The following OTOF variants were observed in gnomAD, a reference collection of about 807,000 sequenced individuals.
The protein encoded by OTOF is otoferlin.
In OTOF, 218 loss-of-function variants were observed where a neutral mutation model predicts 236.8. That is an observed-to-expected ratio of 0.92 (90% CI 0.82 to 1.03). OTOF has a LOEUF of 1.03. OTOF is among the 50% of genes least tolerant of loss of function. The probability of loss-of-function intolerance (pLI) is 0.00; values close to 1 mark genes in which losing one functional copy is unlikely to be tolerated. For missense variants in OTOF, 2,590 were observed against 2,694.4 expected, an observed-to-expected ratio of 0.96 and a Z score of 0.86; for synonymous variants, 1,041 against 1,072.5, an observed-to-expected ratio of 0.97 and a Z score of 0.57.
intron 18 of OTOF, among the ~76,000 whole-genome samples, chr2:26,478,522 G>C (rs1270584108): frequency 6.6e-6 from 1 of 152,042 alleles, no homozygotes; most frequent in Non-Finnish European, 1.5e-5. Flanking sequence ...CCCCAGGCTG[G>C]GGAGAAGGAG....
intron 2 of OTOF, among the ~76,000 whole-genome samples, chr2:26,530,798 A>G (rs774167287): frequency 5.9e-5 from 9 of 151,932 alleles, no homozygotes; most frequent in Non-Finnish European, 1.3e-4. Context: ...AATCCATTCC[A>G]GAAGCTTTTA....
chr2:26,483,516 A>G lies in OTOF; in HGVS notation c.1338T>C (p.Gly446=). Residue 446 remains glycine (G), a synonymous_variant, in exon 13 of 47, where the codon GGT becomes GGC. Transcript: ENST00000272371. ...AGGGGTCCACGAGGTCCTTGTTTTC[A>G]CCGATGAAAGCCTTCTTTACATTGG... ...LMANVKKAFI[G]ENKDLVDPYV... 2 of 1,613,844 alleles carry G rather than the reference A, an allele frequency of 1.2e-6. No homozygotes were observed. Among genetic ancestry groups the G allele is most frequent in the Non-Finnish European group, 1.7e-6 (2 of 1,179,998 alleles).
rs79960303 is a variant in OTOF, at chr2:26,554,256, C to T, written c.79+4237G>A. ...GGAAGTTGATGGAAGGAGTAAGAGC[C>T]AAGGTTCTTGGTTCTTGGCCCTTGA... On this transcript the variant is annotated intron_variant, in intron 1 of 46. Coordinates refer to ENST00000272371, the MANE Select transcript of OTOF (RefSeq NM_194248.3). 9.6e-3 allele frequency among the ~76,000 whole-genome samples: 1,456 copies of T among 151,916 alleles called. 26 individuals are homozygous for T. Among genetic ancestry groups the T allele is most frequent in the African/African-American group, 0.034 (1,400 of 41,370 alleles).
chr2:26,490,290 A>G (rs1182908438), intron 9 of OTOF, among the ~76,000 whole-genome samples: 1 of 152,258 alleles, frequency 6.6e-6, no homozygotes, highest in Non-Finnish European at 1.5e-5. Context: ...TGAAGCCACA[A>G]GGCTGCCTAG....
chr2:26,477,788 C>G lies in OTOF; in HGVS notation c.2215-39G>C. 1 of 1,609,852 alleles carries G rather than the reference C, an allele frequency of 6.2e-7. No homozygotes were observed. Among genetic ancestry groups the G allele is most frequent in the Non-Finnish European group, 8.5e-7 (1 of 1,178,670 alleles). ...GTGTGGGTGATGCTGGGCCACAGCCCCGCCTCCCCAGCCTCCCCAAATGCC... is the reference window on the plus strand; with the variant it reads ...GTGTGGGTGATGCTGGGCCACAGCCGCGCCTCCCCAGCCTCCCCAAATGCC... On this transcript the variant is annotated intron_variant, in intron 18 of 46. Transcript: ENST00000272371. This position sits in a 1 kb window ranked among gnomAD's most constrained non-coding sequence, Gnocchi z 4.7.
At chr2:26,541,351 T>C (rs1048895938) in intron 1 of OTOF, among the ~76,000 whole-genome samples, 8 of 152,206 alleles carry the variant, frequency 5.3e-5, no homozygotes, top group African/African-American at 1.9e-4. Flanking sequence ...TGCTAAAACC[T>C]CATTGATTTA....
At chr2:26,481,074 C>A in intron 14 of OTOF, 65 bp from the exon 15 acceptor site, 1 of 1,247,040 alleles carries the variant, frequency 8.0e-7, no homozygotes, top group Non-Finnish European at 1.2e-6. Context: ...GAAGAGGGGC[C>A]TCTTTTGGGG....
chr2:26,519,702 T>C (rs560223209), intron 3 of OTOF, among the ~76,000 whole-genome samples: 20 of 152,328 alleles, frequency 1.3e-4, no homozygotes, highest in Admixed American at 2.6e-4. Flanking sequence ...TGAACCCAGC[T>C]CTGACACTGA....
In OTOF at chr2:26,475,933, T is replaced by C. The variant is rs397517940; in HGVS notation, c.2972A>G (p.Asn991Ser). 29 of 1,609,792 alleles carry C rather than the reference T, an allele frequency of 1.8e-5. No individual in the cohort carries two copies. The Middle Eastern group carries it at 1.2e-3, about 64-fold the overall frequency. Residue 991 changes from asparagine (N) to serine (S), a missense_variant, in exon 24 of 47, where the codon AAT becomes AGT. Around this residue, in one of 2 missense-constraint regions of OTOF, gnomAD observed 1,379 missense variants for 1,341.6 expected, o/e 1.03. Coordinates refer to ENST00000272371, the MANE Select transcript of OTOF (RefSeq NM_194248.3). Reference protein sequence around the residue: ...SDPFARVFFINQSQCTEVLNE... With the variant: ...SDPFARVFFISQSQCTEVLNE... ...CCTCACCTCTGTGCACTGACTCTGA[T>C]TGATGAAGAAGACGCGGGCAAAGGG...
At chr2:26,510,437 G>A (rs1366134335) in intron 5 of OTOF, among the ~76,000 whole-genome samples, 1 of 151,984 alleles carries the variant, frequency 6.6e-6, no homozygotes, top group African/African-American at 2.4e-5. Flanking sequence ...AACAAGACAC[G>A]GAGAGGAGGA....
At chr2:26,488,363 T>G (rs1305807123) in intron 11 of OTOF, among the ~76,000 whole-genome samples, 1 of 152,208 alleles carries the variant, frequency 6.6e-6, no homozygotes, top group Non-Finnish European at 1.5e-5. Context: ...CTCTGAGCAG[T>G]GCATTCACTT....
chr2:26,477,799 G>C lies in OTOF; in HGVS notation c.2215-50C>G. ...GCTGGGCCACAGCCCCGCCTCCCCAGCCTCCCCAAATGCCTCCTCCCTGTT... is the reference window on the plus strand; with the variant it reads ...GCTGGGCCACAGCCCCGCCTCCCCACCCTCCCCAAATGCCTCCTCCCTGTT... On this transcript the variant is annotated intron_variant, in intron 18 of 46. Coordinates refer to ENST00000272371, the MANE Select transcript of OTOF (RefSeq NM_194248.3). This position sits in a 1 kb window ranked among gnomAD's most constrained non-coding sequence, Gnocchi z 4.7. The C allele has an allele frequency of 6.2e-7, 1 of 1,605,654 alleles. No homozygotes were observed. Among genetic ancestry groups the C allele is most frequent in the East Asian group, 2.2e-5 (1 of 44,536 alleles).
At chr2:26,478,702 T>G (rs1665429197) in intron 18 of OTOF, among the ~76,000 whole-genome samples, 1 of 151,934 alleles carries the variant, frequency 6.6e-6, no homozygotes, top group African/African-American at 2.4e-5. Flanking sequence ...TTTATTTTAT[T>G]TTATTTTATT....
intron 1 of OTOF, among the ~76,000 whole-genome samples, chr2:26,547,185 T>A (rs970917890): frequency 4.6e-5 from 7 of 152,196 alleles, no homozygotes; most frequent in African/African-American, 1.7e-4. Flanking sequence ...TTATCATGAA[T>A]GGGTGTTGAA....
intron 1 of OTOF, among the ~76,000 whole-genome samples, chr2:26,551,827 T>G (rs1210146540): frequency 2.0e-5 from 3 of 152,242 alleles, no homozygotes; most frequent in Non-Finnish European, 4.4e-5. Flanking sequence ...GAATTGTTAT[T>G]AATTTCTTTA....
Position 26,476,279 on chromosome 2 carries a change from T to C in OTOF, c.2715A>G (p.Thr905=). The C allele has an allele frequency of 1.2e-6, 2 of 1,604,628 alleles. No individual in the cohort carries two copies. The highest frequency in any genetic ancestry group is 2.2e-5 in the South Asian group (2 of 91,024). Residue 905 remains threonine (T), a synonymous_variant, in exon 23 of 47, where the codon ACA becomes ACG. Coordinates refer to ENST00000272371, the MANE Select transcript of OTOF (RefSeq NM_194248.3). ...GKRGFGSAGW[T]VQAKVELYLW... ...GGTACAGCTCCACCTTGGCCTGCAC[T>C]GTCCAGCCTGCCGAGCCGAAGCCCC... is the stretch of plus-strand genomic sequence containing the variant.
chr2:26,482,046 T>C (rs1050464287), intron 14 of OTOF, among the ~76,000 whole-genome samples: 6 of 152,346 alleles, frequency 3.9e-5, no homozygotes, highest in East Asian at 3.9e-4. Flanking sequence ...ATCATATATA[T>C]ATACACACAC....
intron 9 of OTOF, among the ~76,000 whole-genome samples, chr2:26,490,159 C>T (rs1159973596): frequency 1.3e-5 from 2 of 152,224 alleles, no homozygotes; most frequent in African/African-American, 4.8e-5. Context: ...GGGATAATGA[C>T]ACCCACCTCA....
chr2:26,496,819 T>G lies in OTOF; in HGVS notation c.766-1746A>C, dbSNP rs1665998325. On this transcript the variant is annotated intron_variant, in intron 8 of 46. Transcript: ENST00000272371. The stretch of plus-strand genomic sequence containing the variant: ...AAATGACCACATAGCCTTGTGTTTT[T>G]CAGTTACAAGCAGAGACACCAGCTA... Among the ~76,000 whole-genome samples, 6 of 151,964 alleles carry G rather than the reference T, an allele frequency of 3.9e-5. No individual in the cohort carries two copies. In the South Asian group the frequency reaches 1.2e-3, roughly 32 times the overall value.
Sources: gnomAD v4.1 joint callset for allele counts (sites outside exome capture counted in the v4.1 genomes callset) on GRCh38, gnomAD v4.1.1 for gene constraint, gnomAD v4.1.1 regional missense constraint, Gnocchi (gnomAD v3.1) non-coding constraint, MANE v1.5 for transcripts, NCBI Gene and HGNC (gene_info 2026-07-23, HGNC 2026-07-21) for gene names.